ASPH: variants seen among roughly 807,000 people sequenced by gnomAD.
The protein encoded by ASPH is aspartyl/asparaginyl beta-hydroxylase.
ASPH carries 100 observed loss-of-function variants against 118.4 expected under a neutral mutation model. The ratio of observed to expected loss-of-function variants is 0.84; its 90% CI spans 0.72 to 1.00. The LOEUF (loss-of-function observed/expected upper bound fraction) is 1.00. Ranked by LOEUF, ASPH falls within the 50% of genes least tolerant of loss-of-function variation. The pLI is 0.00. For synonymous variants in ASPH, 315 were observed against 325.6 expected (o/e 0.97, Z 0.35); for missense variants, 920 against 919.5 (o/e 1.00, Z -0.01).
intron 14 of ASPH, among the ~76,000 whole-genome samples, chr8:61,586,509 G>C (rs1205041133): frequency 6.6e-6 from 1 of 152,144 alleles, no homozygotes; most frequent in Admixed American, 6.5e-5. Context: ...AGAGCACATG[G>C]AATCATCCTA....
At position 61,684,127 on chromosome 8, in the gene ASPH, G is replaced by C; in HGVS notation, c.165C>G (p.Phe55Leu). Reference sequence around the variant, plus strand: ...GCAATGCAATCACCATAAACCACGTGAAGAATGAAGTTCCTGAGAGTCCGC... The same window carrying C: ...GCAATGCAATCACCATAAACCACGTCAAGAATGAAGTTCCTGAGAGTCCGC... ...RKGGLSGTSFFTWFMVIALLG... is the reference protein window; with the variant it reads ...RKGGLSGTSFLTWFMVIALLG... Residue 55 changes from phenylalanine to leucine, a missense_variant, in exon 2 of 25, where the codon TTC becomes TTG. Coordinates refer to ENST00000379454, the MANE Select transcript of ASPH (RefSeq NM_004318.4). 11 of 1,613,696 alleles carry C rather than the reference G, an allele frequency of 6.8e-6. No individual in the cohort carries two copies. Among genetic ancestry groups the C allele is most frequent in the Non-Finnish European group, 9.3e-6 (11 of 1,179,738 alleles).
chr8:61,625,599 TA>T (rs1852473098), intron 13 of ASPH: 2 of 982,138 alleles, frequency 2.0e-6, no homozygotes, highest in Admixed American at 6.2e-5. Context: ...CCCTCTCATT[TA>T]AAAAAATAAA....
intron 3 of ASPH, chr8:61,660,921 G>T (rs1816557899): frequency 6.6e-6 from 1 of 152,032 alleles, no homozygotes; most frequent in Non-Finnish European, 1.5e-5. Flanking sequence ...GGAAAAATGT[G>T]TTCTGAATAC....
rs1804644542 is a variant in ASPH, at chr8:61,500,585, A to AGT, written c.*2772_*2773dup. 1 of 152,210 alleles carries AGT rather than the reference A, an allele frequency of 6.6e-6. No homozygotes were observed. The highest frequency in any genetic ancestry group is 2.4e-5 in the African/African-American group (1 of 41,444). The allele number at this position is 152,210 out of a possible 1,614,324, so 9.4% of individuals were successfully genotyped here. Reference sequence around the variant, plus strand: ...ATGTCAAAGGTCATTTTATTTACCTAGTCTCCTTAGAAATGGAGTCCCCAA... The same window carrying AGT: ...ATGTCAAAGGTCATTTTATTTACCTAGTGTCTCCTTAGAAATGGAGTCCCCAA... On this transcript the variant is annotated 3_prime_UTR_variant, in exon 25 of 25. Coordinates refer to ENST00000379454, the MANE Select transcript of ASPH (RefSeq NM_004318.4).
At chr8:61,625,232 A>G in intron 13 of ASPH, 1 of 985,810 alleles carries the variant, frequency 1.0e-6, no homozygotes, top group Non-Finnish European at 1.2e-6. Context: ...ACATTAAATA[A>G]GAAGAAAATC....
chr8:61,559,797 T>G (rs1459678369), intron 18 of ASPH, among the ~76,000 whole-genome samples: 1 of 152,172 alleles, frequency 6.6e-6, no homozygotes, highest in Non-Finnish European at 1.5e-5. Flanking sequence ...TACATAAACA[T>G]ATCTCAGGCA....
rs942017461 is a variant in ASPH at position 61,566,779 on chromosome 8, C to T, written c.1300+389G>A. Among the ~76,000 whole-genome samples the T allele has an allele frequency of 9.1e-4, 138 of 152,298 alleles. 1 individual carries two copies. Among genetic ancestry groups the T allele is most frequent in the Non-Finnish European group, 1.3e-3 (86 of 68,028 alleles). On this transcript the variant is annotated intron_variant, in intron 17 of 24. Coordinates refer to ENST00000379454, the MANE Select transcript of ASPH (RefSeq NM_004318.4). ...ACAACTCACTGAAGGCTCAGATTAT[C>T]GTTAGCATTTTTTAGCAATAACATA...
chr8:61,556,114 T>C, intron 18 of ASPH, 92 bp from the exon 19 acceptor site: 1 of 1,045,808 alleles, frequency 9.6e-7, no homozygotes, highest in Non-Finnish European at 1.4e-6. Context: ...CCAGTTTTAA[T>C]TAGCTTTGTT....
chr8:61,540,731 C>T (rs1394097070), intron 21 of ASPH, among the ~76,000 whole-genome samples: 8 of 152,142 alleles, frequency 5.3e-5, no homozygotes, highest in Non-Finnish European at 1.0e-4. Context: ...TGAGCACTGT[C>T]CCCTGCCTTC....
In ASPH at chr8:61,668,179, A is replaced by G. The variant is rs150224733; in HGVS notation, c.322+12789T>C. 4.0e-4 allele frequency: 606 copies of G among 1,500,794 alleles called. 4 individuals are homozygous for G. In the African/African-American group the frequency reaches 7.0e-3, roughly 17 times the overall value. The allele number at this position is 1,500,794 out of a possible 1,614,324, so 93.0% of individuals were successfully genotyped here. On this transcript the variant is annotated intron_variant, in intron 3 of 24. Coordinates refer to ENST00000379454, the MANE Select transcript of ASPH (RefSeq NM_004318.4). ...TTAACATTCCCAGAAAATGTCATGC[A>G]TTTTCAAACATTAAACTTGATTCAC...
chr8:61,554,720 G>T (rs565278315), intron 19 of ASPH, among the ~76,000 whole-genome samples: 454 of 151,710 alleles, frequency 3.0e-3, no homozygotes, highest in African/African-American at 8.3e-3. Flanking sequence ...TGTTTTTTTT[G>T]TTTGTTTGTT....
chr8:61,550,317 G>A (rs924421594), intron 20 of ASPH, among the ~76,000 whole-genome samples: 1 of 152,070 alleles, frequency 6.6e-6, no homozygotes, highest in African/African-American at 2.4e-5. Context: ...GACAGTAGGA[G>A]GCCCTGGGAC....
intron 21 of ASPH, among the ~76,000 whole-genome samples, chr8:61,542,508 C>A (rs953404406): frequency 3.3e-5 from 5 of 152,186 alleles, no homozygotes; most frequent in African/African-American, 9.6e-5. Context: ...CAACATAAAT[C>A]TTTTCCCCTT....
At chr8:61,682,858 T>C (rs1266906564) in intron 2 of ASPH, among the ~76,000 whole-genome samples, 4 of 152,200 alleles carry the variant, frequency 2.6e-5, no homozygotes, top group South Asian at 2.1e-4. Flanking sequence ...ACATTGTACA[T>C]AGACACAAGT....
chr8:61,571,710 C>A (rs1018568715), intron 16 of ASPH, among the ~76,000 whole-genome samples: 1 of 152,110 alleles, frequency 6.6e-6, no homozygotes, highest in Non-Finnish European at 1.5e-5. Flanking sequence ...CTTTGGTACT[C>A]ACAATTAATA....
intron 12 of ASPH, among the ~76,000 whole-genome samples, chr8:61,633,931 C>T (rs570712969): frequency 3.1e-4 from 47 of 152,272 alleles, no homozygotes; most frequent in African/African-American, 9.4e-4. Context: ...TATTTCTCAA[C>T]GGTTCAGCAC....
At chr8:61,584,619 CTT>C (rs1838705712) in intron 14 of ASPH, among the ~76,000 whole-genome samples, 2 of 137,768 alleles carry the variant, frequency 1.5e-5, no homozygotes, top group South Asian at 4.6e-4. Flanking sequence ...TCTTTTTCTT[CTT>C]TCTTTCTTTC....
chr8:61,562,112 T>C (rs7823286), intron 18 of ASPH, among the ~76,000 whole-genome samples: 122,968 of 152,112 alleles, frequency 0.81, 50,060 homozygotes, highest in Non-Finnish European at 0.85. Flanking sequence ...TCAAAATTCA[T>C]TGGGCATCCT....
At chr8:61,618,933 T>A (rs1849937460) in intron 14 of ASPH, 45 bp downstream of exon 14, 2 of 1,483,734 alleles carry the variant, frequency 1.3e-6, no homozygotes, top group Non-Finnish European at 1.9e-6. Flanking sequence ...CATGTTATTC[T>A]TTTCCCCATG....
Sources: allele counts gnomAD v4.1 joint callset (sites outside exome capture counted in the v4.1 genomes callset), GRCh38; gene constraint gnomAD v4.1.1; transcripts MANE v1.5; gene names NCBI Gene and HGNC (gene_info 2026-07-23, HGNC 2026-07-21).